The following C5orf24 variants were observed in gnomAD, a reference collection of about 807,000 sequenced individuals.
C5orf24 encodes the protein chromosome 5 open reading frame 24.
In C5orf24, 4 loss-of-function variants were observed where a neutral mutation model predicts 9.8. That is an observed-to-expected ratio of 0.41 (90% CI 0.20 to 0.93). C5orf24 has a LOEUF of 0.93. Ranked by LOEUF, C5orf24 falls within the 40% of genes least tolerant of loss-of-function variation. C5orf24 has a pLI of 0.33. For synonymous variants in C5orf24, 73 were observed against 81.3 expected, an observed-to-expected ratio of 0.90 and a Z score of 0.55; for missense variants, 170 against 236.9, an observed-to-expected ratio of 0.72 and a Z score of 1.85.
In C5orf24 at chr5:134,855,583, C is replaced by CTTTTGTTTGGTTTTTT. The variant is rs771021415; in HGVS notation, c.*117_*118insTTTGTTTGGTTTTTTT. 1.1e-3 allele frequency: 1,590 copies of CTTTTGTTTGGTTTTTT among 1,466,592 alleles called. 13 individuals are homozygous for CTTTTGTTTGGTTTTTT. Among genetic ancestry groups the CTTTTGTTTGGTTTTTT allele is most frequent in the Admixed American group, 2.8e-3 (103 of 36,654 alleles). The allele number at this position is 1,466,592 out of a possible 1,614,324, so 90.8% of individuals were successfully genotyped here. ...GCCTGGGCTTTCCAAATTTGTTTTCCTGTTTGGTTTTTTTCCTGCTTTTGC... is the reference window on the plus strand; with the variant it reads ...GCCTGGGCTTTCCAAATTTGTTTTCCTTTTGTTTGGTTTTTTTGTTTGGTTTTTTTCCTGCTTTTGC... On this transcript the variant is annotated 3_prime_UTR_variant, in exon 2 of 2. Coordinates refer to ENST00000394976, the MANE Select transcript of C5orf24 (RefSeq NM_001135586.1).
chr5:134,853,408 T>G, intron 1 of C5orf24, among the ~76,000 whole-genome samples: 1 of 150,398 alleles, frequency 6.6e-6, no homozygotes, highest in Non-Finnish European at 1.5e-5. Context: ...CTAAATGATA[T>G]GGCTATTTAG....
the C5orf24 span, among the ~76,000 whole-genome samples, chr5:134,834,911 G>A: frequency 2.0e-5 from 3 of 152,164 alleles, no homozygotes; most frequent in East Asian, 1.9e-4. Flanking sequence ...CGGTGTAGTG[G>A]CATGTGCCTG....
At chr5:134,842,326 C>T (rs1245034384), upstream of C5orf24, among the ~76,000 whole-genome samples, 1 of 151,902 alleles carries the variant, frequency 6.6e-6, no homozygotes, top group Non-Finnish European at 1.5e-5. Flanking sequence ...CCTGTCCCTA[C>T]TAAAAATACA....
At position 134,857,578 on chromosome 5, in the gene C5orf24, A is replaced by C. The variant is rs559805106; in HGVS notation, c.*2111A>C. On this transcript the variant is annotated 3_prime_UTR_variant, in exon 2 of 2. Transcript: ENST00000394976. ...AACATTCTGGCAGCTAAATTGCTAC[A>C]AGAGCTTTTTCTTGCAAAAGCTTAA... The C allele has an allele frequency of 1.3e-6, 1 of 770,846 alleles. No individual in the cohort carries two copies. The highest frequency in any genetic ancestry group is 1.8e-6 in the Non-Finnish European group (1 of 543,644). The allele number at this position is 770,846 out of a possible 1,614,324, so 47.8% of individuals were successfully genotyped here.
At chr5:134,848,406 C>A (rs918696602) in intron 1 of C5orf24, among the ~76,000 whole-genome samples, 2 of 152,144 alleles carry the variant, frequency 1.3e-5, no homozygotes, top group Admixed American at 6.5e-5. Context: ...CCTGTAATCC[C>A]GGCACTTTGG....
chr5:134,849,170 G>A (rs981528562), intron 1 of C5orf24, among the ~76,000 whole-genome samples: 36 of 151,912 alleles, frequency 2.4e-4, no homozygotes, highest in African/African-American at 8.0e-4. Flanking sequence ...CAGGAGAATC[G>A]CTTAAACCGG....
chr5:134,846,313 G>A (rs1371117460), intron 1 of C5orf24, 101 bp downstream of exon 1: 1 of 152,362 alleles, frequency 6.6e-6, no homozygotes, highest in African/African-American at 2.4e-5. Context: ...CTCCTGCCAA[G>A]GGGCCCTAGT....
In C5orf24 at chr5:134,858,286, G is replaced by A. The variant is rs966059033; in HGVS notation, c.*2819G>A. On this transcript the variant is annotated 3_prime_UTR_variant, in exon 2 of 2. Coordinates refer to ENST00000394976, the MANE Select transcript of C5orf24 (RefSeq NM_001135586.1). Reference sequence around the variant, plus strand: ...TTCTCCCTGTGAACAGTTTACCGGTGCCATGCTGAAGAGAAAGACATCTAA... The same window carrying A: ...TTCTCCCTGTGAACAGTTTACCGGTACCATGCTGAAGAGAAAGACATCTAA... The A allele has an allele frequency of 6.0e-6, 1 of 167,146 alleles. No individual in the cohort carries two copies. 10.4% of individuals were successfully genotyped at this position (167,146 alleles called of 1,614,324 possible).
upstream of C5orf24, among the ~76,000 whole-genome samples, chr5:134,842,889 G>A (rs116227997): frequency 6.6e-5 from 10 of 152,214 alleles, no homozygotes; most frequent in South Asian, 1.0e-3. Flanking sequence ...ACCAATTCAT[G>A]TCTGGCACTT....
At chr5:134,839,691 C>CTTTTTT in the C5orf24 span, among the ~76,000 whole-genome samples, 1 of 135,348 alleles carries the variant, frequency 7.4e-6, no homozygotes. Context: ...GTAACTTTAC[C>CTTTTTT]TTTTTTTTTT....
chr5:134,858,071 T>G lies in C5orf24; in HGVS notation c.*2604T>G, dbSNP rs1278189479. On this transcript the variant is annotated 3_prime_UTR_variant, in exon 2 of 2. Coordinates refer to ENST00000394976, the MANE Select transcript of C5orf24 (RefSeq NM_001135586.1). ...ATGTTTATGAAATGGTGAGATCAAC[T>G]AAAGGAGGCATGTTCATAACAGTGT... The G allele has an allele frequency of 6.0e-6, 1 of 167,028 alleles. No individual in the cohort carries two copies. The highest frequency in any genetic ancestry group is 1.5e-5 in the Non-Finnish European group (1 of 68,110). The allele number at this position is 167,028 out of a possible 1,614,324, so 10.3% of individuals were successfully genotyped here. A position where few individuals can be genotyped will look rare whatever the true frequency, so the allele number is the denominator to read the frequency against.
chr5:134,848,003 A>G (rs1435198983), intron 1 of C5orf24, among the ~76,000 whole-genome samples: 1 of 152,136 alleles, frequency 6.6e-6, no homozygotes, highest in African/African-American at 2.4e-5. Context: ...GCGCCGGACC[A>G]TTCTGACTCT....
Position 134,855,791 on chromosome 5 carries a change from A to G in C5orf24, c.*324A>G. The G allele has an allele frequency of 5.9e-6, 7 of 1,187,042 alleles. No homozygotes were observed. The highest frequency in any genetic ancestry group is 6.3e-6 in the Non-Finnish European group (6 of 945,322). 73.5% of individuals were successfully genotyped at this position (1,187,042 alleles called of 1,614,324 possible). A position where few individuals can be genotyped will look rare whatever the true frequency, so the allele number is the denominator to read the frequency against. The stretch of plus-strand genomic sequence containing the variant: ...AAATAGATGCTTTATGTGATAAACA[A>G]CTGAAACCATTATACCTATTAGTTT... On this transcript the variant is annotated 3_prime_UTR_variant, in exon 2 of 2. Transcript: ENST00000394976.
Position 134,855,604 on chromosome 5 carries a change from T to C in C5orf24, c.*137T>C. 6.8e-7 allele frequency: 1 copy of C among 1,478,148 alleles called. No individual in the cohort carries two copies. Among genetic ancestry groups the C allele is most frequent in the Non-Finnish European group, 9.0e-7 (1 of 1,115,868 alleles). The allele number at this position is 1,478,148 out of a possible 1,614,324, so 91.6% of individuals were successfully genotyped here. A position where few individuals can be genotyped will look rare whatever the true frequency, so the allele number is the denominator to read the frequency against. On this transcript the variant is annotated 3_prime_UTR_variant, in exon 2 of 2. Coordinates refer to ENST00000394976, the MANE Select transcript of C5orf24 (RefSeq NM_001135586.1). ...TTTCCTGTTTGGTTTTTTTCCTGCT[T>C]TTGCTCAAAAACTGCCATATGCTGA... is the stretch of plus-strand genomic sequence containing the variant.
rs1377963932 is a variant in C5orf24, at chr5:134,855,457, C to T, written c.557C>T (p.Pro186Leu). The change falls in exon 2 of 2, where the codon CCC (proline) becomes CTC (leucine). Residue 186 changes from proline (P) to leucine (L), a missense_variant. Physicochemically the swap from Pro to Leu is moderately conservative, Grantham distance 98 (BLOSUM62 -3). Transcript: ENST00000394976. The part of the protein sequence containing the change: ...VEETSSEVKP[P>L]NE ...GAAACTAGCAGTGAAGTCAAACCAC[C>T]CAATGAGTGAATGAGGCAGGAAAAG... 11 of 1,613,964 alleles carry T rather than the reference C, an allele frequency of 6.8e-6. No individual in the cohort carries two copies. In the Admixed American group the frequency reaches 8.3e-5, roughly 12 times the overall value.
Position 134,855,906 on chromosome 5 carries a change from G to A in C5orf24, c.*439G>A, listed in dbSNP as rs1756297964. 1 of 1,009,562 alleles carries A rather than the reference G, an allele frequency of 9.9e-7. No homozygotes were observed. Among genetic ancestry groups the A allele is most frequent in the Non-Finnish European group, 1.2e-6 (1 of 836,804 alleles). The allele number at this position is 1,009,562 out of a possible 1,614,324, so 62.5% of individuals were successfully genotyped here. On this transcript the variant is annotated 3_prime_UTR_variant, in exon 2 of 2. Coordinates refer to ENST00000394976, the MANE Select transcript of C5orf24 (RefSeq NM_001135586.1). Reference sequence around the variant, plus strand: ...AACTAATGAATCAGGATTACTTGAGGTAATGGCTGTGTGAGTTTTTGTAAC... The same window carrying A: ...AACTAATGAATCAGGATTACTTGAGATAATGGCTGTGTGAGTTTTTGTAAC...
At chr5:134,848,699 C>T (rs1350027293) in intron 1 of C5orf24, among the ~76,000 whole-genome samples, 7 of 148,252 alleles carry the variant, frequency 4.7e-5, no homozygotes, top group African/African-American at 1.2e-4. Flanking sequence ...TGGTGCCTCA[C>T]GCCTGTAATC....
At chr5:134,841,689 T>C (rs1243667350), upstream of C5orf24, among the ~76,000 whole-genome samples, 2 of 152,192 alleles carry the variant, frequency 1.3e-5, no homozygotes, top group Non-Finnish European at 2.9e-5. Flanking sequence ...GGATCCAGAC[T>C]GATGGCAACT....
the C5orf24 span, among the ~76,000 whole-genome samples, chr5:134,834,975 C>T: frequency 6.6e-6 from 1 of 151,722 alleles, no homozygotes; most frequent in African/African-American, 2.4e-5. Flanking sequence ...ACCTGGGAGG[C>T]AGAGGTTGCA....
Sources: allele counts gnomAD v4.1 joint callset (sites outside exome capture counted in the v4.1 genomes callset), GRCh38; gene constraint gnomAD v4.1.1; transcripts MANE v1.5; gene names NCBI Gene and HGNC (gene_info 2026-07-23, HGNC 2026-07-21).